Variants in EPB41L1 observed in about 807,000 individuals in gnomAD.
The protein encoded by EPB41L1 is band 4.1-like protein 1.
Under a neutral mutation model 97.8 loss-of-function variants are expected in EPB41L1, and 29 were observed. The ratio of observed to expected loss-of-function variants is 0.30; its 90% CI spans 0.22 to 0.40. The LOEUF (loss-of-function observed/expected upper bound fraction) is 0.40. EPB41L1 is among the 10% of genes least tolerant of loss of function. EPB41L1 has a pLI of 1.00. For synonymous variants in EPB41L1, 383 were observed against 459.2 expected (o/e 0.83, Z 2.12); for missense variants, 812 against 1,162.3 (o/e 0.70, Z 4.38).
chr20:36,120,345 G>A (rs1055865886), intron 2 of EPB41L1, among the ~76,000 whole-genome samples: 9 of 152,316 alleles, frequency 5.9e-5, no homozygotes, highest in Admixed American at 2.6e-4. Flanking sequence ...AGTCTTATCC[G>A]CTGGACTGTA....
intron 1 of EPB41L1, among the ~76,000 whole-genome samples, chr20:36,109,115 T>A (rs2058302557): frequency 6.6e-6 from 1 of 151,960 alleles, no homozygotes; most frequent in South Asian, 2.1e-4. Context: ...GGCTAATTTT[T>A]TTTTTGTATT....
intron 1 of EPB41L1, among the ~76,000 whole-genome samples, chr20:36,106,932 A>C (rs1569021203): frequency 6.6e-6 from 1 of 151,856 alleles, no homozygotes; most frequent in Non-Finnish European, 1.5e-5. Context: ...CCTCTGGAAT[A>C]GTTGGGATTA....
In EPB41L1 at chr20:36,206,085, A is replaced by C; in HGVS notation, c.1669-3403A>C. On this transcript the variant is annotated intron_variant, in intron 14 of 21. Transcript: ENST00000338074. This position sits in a 1 kb window ranked among gnomAD's most constrained non-coding sequence, Gnocchi z 5.5. ...CCCAGCAACAAGGAAAAATGATTGCAAGTCCTGAAGACTTTGAGTCAGTGG... is the reference window on the plus strand; with the variant it reads ...CCCAGCAACAAGGAAAAATGATTGCCAGTCCTGAAGACTTTGAGTCAGTGG... 9 of 1,289,890 alleles carry C rather than the reference A, an allele frequency of 7.0e-6. No individual in the cohort carries two copies. Among genetic ancestry groups the C allele is most frequent in the Non-Finnish European group, 9.1e-6 (9 of 988,896 alleles). 79.9% of individuals were successfully genotyped at this position (1,289,890 alleles called of 1,614,324 possible).
intron 2 of EPB41L1, among the ~76,000 whole-genome samples, chr20:36,136,261 CCCA>C (rs2059410843): frequency 6.6e-6 from 1 of 151,896 alleles, no homozygotes; most frequent in South Asian, 2.1e-4. Flanking sequence ...ACCTCTGCCT[CCCA>C]AGCTCAAGCG....
chr20:36,213,479 CT>C (rs2063258652), intron 16 of EPB41L1, among the ~76,000 whole-genome samples: 1 of 152,090 alleles, frequency 6.6e-6, no homozygotes, highest in South Asian at 2.1e-4. Context: ...CTTTCTCCCA[CT>C]TTTATAATGA....
At position 36,206,805 on chromosome 20, in the gene EPB41L1, G is replaced by C. The variant is rs1165238327; in HGVS notation, c.1669-2683G>C. 1 of 1,289,882 alleles carries C rather than the reference G, an allele frequency of 7.8e-7. No homozygotes were observed. Among genetic ancestry groups the C allele is most frequent in the Non-Finnish European group, 1.0e-6 (1 of 988,888 alleles). The allele number at this position is 1,289,882 out of a possible 1,614,324, so 79.9% of individuals were successfully genotyped here. A position where few individuals can be genotyped will look rare whatever the true frequency, so the allele number is the denominator to read the frequency against. ...ACCTGACAGCCAGCGCAGCCCGAGA[G>C]GAAGGGACCCCCGTGAGTGGAGATT... On this transcript the variant is annotated intron_variant, in intron 14 of 21. Coordinates refer to ENST00000338074, the MANE Select transcript of EPB41L1 (RefSeq NM_012156.2). The surrounding 1 kb of genome is among the most constrained non-coding windows in gnomAD (Gnocchi z 5.5).
intron 1 of EPB41L1, among the ~76,000 whole-genome samples, chr20:36,103,201 G>A (rs1373447082): frequency 1.3e-5 from 2 of 152,200 alleles, no homozygotes; most frequent in East Asian, 1.9e-4. Flanking sequence ...CAGGGAGGTG[G>A]CTTTCACCGG....
At position 36,218,887 on chromosome 20, in the gene EPB41L1, C is replaced by T; in HGVS notation, c.2280C>T (p.Leu760=). The part of the protein sequence containing the change: ...ETISTTMENS[L]KSGKGAAAMI... ...TATTGTTTCCCCAGGAGAACAGTCTCAAGTCCGGGAAGGGGGCAGCTGCCA... is the reference window on the plus strand; with the variant it reads ...TATTGTTTCCCCAGGAGAACAGTCTTAAGTCCGGGAAGGGGGCAGCTGCCA... The change falls in exon 18 of 22, where the codon CTC becomes CTT. Residue 760 remains leucine (L), a synonymous_variant. Transcript: ENST00000338074. The T allele has an allele frequency of 6.2e-7, 1 of 1,614,136 alleles. No homozygotes were observed. Among genetic ancestry groups the T allele is most frequent in the Non-Finnish European group, 8.5e-7 (1 of 1,180,018 alleles).
chr20:36,214,347 C>G lies in EPB41L1; in HGVS notation c.2185-10C>G. ...CTCTCCCCAGCTCTAACGACTCCTC[C>G]TCTGGTCAGCAGGTTGATGGGAGTG... On this transcript the variant is annotated splice_polypyrimidine_tract_variant and intron_variant, in intron 16 of 21. Coordinates refer to ENST00000338074, the MANE Select transcript of EPB41L1 (RefSeq NM_012156.2). 6.2e-7 allele frequency: 1 copy of G among 1,613,334 alleles called. No homozygotes were observed. The highest frequency in any genetic ancestry group is 8.5e-7 in the Non-Finnish European group (1 of 1,179,512).
At chr20:36,229,289 C>T in intron 21 of EPB41L1, 43 bp from the exon 22 acceptor site, 2 of 1,462,822 alleles carry the variant, frequency 1.4e-6, no homozygotes, top group Non-Finnish European at 1.9e-6. Context: ...TCCTTTCCCC[C>T]CACTCCCCAC....
At position 36,207,525 on chromosome 20, in the gene EPB41L1, TGAC is replaced by T; in HGVS notation, c.1669-1961_1669-1959del. The T allele has an allele frequency of 3.1e-6, 4 of 1,289,846 alleles. No individual in the cohort carries two copies. Among genetic ancestry groups the T allele is most frequent in the Non-Finnish European group, 4.0e-6 (4 of 988,874 alleles). The allele number at this position is 1,289,846 out of a possible 1,614,324, so 79.9% of individuals were successfully genotyped here. On this transcript the variant is annotated intron_variant, in intron 14 of 21. Coordinates refer to ENST00000338074, the MANE Select transcript of EPB41L1 (RefSeq NM_012156.2). The surrounding 1 kb of genome is among the most constrained non-coding windows in gnomAD (Gnocchi z 4.9). ...AGGGTGAAGCAAGGTCCCTTCCAAA[TGAC>T]GTATCTTCAGAGGCACCCGTGGGAC...
At chr20:36,193,196 A>G (rs2062039486) in intron 11 of EPB41L1, among the ~76,000 whole-genome samples, 1 of 152,196 alleles carries the variant, frequency 6.6e-6, no homozygotes, top group Non-Finnish European at 1.5e-5. Flanking sequence ...GAGCAGAAGC[A>G]TGGACTCTAA....
At position 36,206,876 on chromosome 20, in the gene EPB41L1, A is replaced by G; in HGVS notation, c.1669-2612A>G. 1 of 1,289,822 alleles carries G rather than the reference A, an allele frequency of 7.8e-7. No individual in the cohort carries two copies. The highest frequency in any genetic ancestry group is 1.0e-6 in the Non-Finnish European group (1 of 988,872). 79.9% of individuals were successfully genotyped at this position (1,289,822 alleles called of 1,614,324 possible). A position where few individuals can be genotyped will look rare whatever the true frequency, so the allele number is the denominator to read the frequency against. ...AGTCCCACAGAGGAACTGAAGAAGC[A>G]CCCTCCTCACAGAGGACAGGGCGTG... On this transcript the variant is annotated intron_variant, in intron 14 of 21. Transcript: ENST00000338074. This position sits in a 1 kb window ranked among gnomAD's most constrained non-coding sequence, Gnocchi z 5.5.
chr20:36,223,590 A>G (rs2063918016), intron 21 of EPB41L1, among the ~76,000 whole-genome samples: 1 of 152,220 alleles, frequency 6.6e-6, no homozygotes, highest in Non-Finnish European at 1.5e-5. Flanking sequence ...CACAGAAAGT[A>G]TAAACTGTAT....
intron 2 of EPB41L1, among the ~76,000 whole-genome samples, chr20:36,143,307 A>T (rs2059713862): frequency 6.6e-6 from 1 of 151,942 alleles, no homozygotes; most frequent in African/African-American, 2.4e-5. Context: ...GGGGACAGAG[A>T]CAGCTAGTGG....
intron 14 of EPB41L1, among the ~76,000 whole-genome samples, chr20:36,201,368 C>T (rs963863018): frequency 2.0e-5 from 3 of 152,172 alleles, no homozygotes; most frequent in Admixed American, 6.5e-5. Context: ...TAGAGGCAGG[C>T]TCTGACTTCC....
At chr20:36,199,182 G>A (rs77274840) in intron 14 of EPB41L1, among the ~76,000 whole-genome samples, 3,444 of 152,048 alleles carry the variant, frequency 0.023, 154 homozygotes, top group African/African-American at 0.079. Flanking sequence ...TAAAATAAAA[G>A]TTGAAAGGGC....
At chr20:36,167,694 T>C (rs6058428) in intron 1 of EPB41L1, among the ~76,000 whole-genome samples, 22,243 of 150,900 alleles carry the variant, frequency 0.15, 2,290 homozygotes, top group African/African-American at 0.29. Context: ...GGCCATGGAG[T>C]GAGACTCCAT....
intron 2 of EPB41L1, among the ~76,000 whole-genome samples, chr20:36,135,077 G>A (rs1373434422): frequency 1.3e-5 from 2 of 151,864 alleles, no homozygotes; most frequent in East Asian, 3.9e-4. Flanking sequence ...TGGTCAGGAT[G>A]GTCTCAAACT....
Sources: allele counts gnomAD v4.1 joint callset (sites outside exome capture counted in the v4.1 genomes callset), GRCh38; gene constraint gnomAD v4.1.1; non-coding constraint Gnocchi (gnomAD v3.1); transcripts MANE v1.5; gene names NCBI Gene and HGNC (gene_info 2026-07-23, HGNC 2026-07-21).